Variants in ST3GAL1 observed in about 807,000 individuals in gnomAD.
ST3GAL1 encodes the protein CMP-N-acetylneuraminate-beta-galactosamide-alpha-2,3-sialyltransferase 1.
ST3GAL1 carries 16 observed loss-of-function variants against 34.1 expected under a neutral mutation model. The ratio of observed to expected loss-of-function variants is 0.47; its 90% CI spans 0.32 to 0.71. The LOEUF is 0.71. ST3GAL1 is among the 30% of genes least tolerant of loss of function. The pLI, the probability that ST3GAL1 is intolerant of heterozygous loss-of-function variation, is 0.04. For synonymous variants in ST3GAL1, 191 were observed against 184.7 expected (o/e 1.03, Z -0.28); for missense variants, 353 against 447.4 (o/e 0.79, Z 1.90).
rs1207147134 is a variant in ST3GAL1 at position 133,459,058 on chromosome 8, T to G, written c.*706A>C. The stretch of plus-strand genomic sequence containing the variant: ...GTGCCACCGTGCCTGGCTAATTTTT[T>G]TAAATCTTTTATTTTTGTAGAGACA... On this transcript the variant is annotated 3_prime_UTR_variant, in exon 10 of 10. Transcript: ENST00000522652. The surrounding 1 kb of genome is among the most constrained non-coding windows in gnomAD (Gnocchi z 4.7). The G allele has an allele frequency of 6.6e-6, 1 of 151,998 alleles. No homozygotes were observed. The highest frequency in any genetic ancestry group is 1.9e-4 in the East Asian group (1 of 5,152). 9.4% of individuals were successfully genotyped at this position (151,998 alleles called of 1,614,324 possible). A position where few individuals can be genotyped will look rare whatever the true frequency, so the allele number is the denominator to read the frequency against.
intron 5 of ST3GAL1, among the ~76,000 whole-genome samples, chr8:133,473,166 T>C (rs1343681761): frequency 6.6e-6 from 1 of 152,200 alleles, no homozygotes; most frequent in Non-Finnish European, 1.5e-5. Context: ...GTTTTTCCCT[T>C]ACGCCTTTTT....
chr8:133,569,318 A>G (rs984129458), intron 1 of ST3GAL1, among the ~76,000 whole-genome samples: 12 of 152,378 alleles, frequency 7.9e-5, no homozygotes, highest in African/African-American at 2.6e-4. Flanking sequence ...TTTAGCAAAA[A>G]GTGTACGATG....
intron 1 of ST3GAL1, among the ~76,000 whole-genome samples, chr8:133,565,574 T>A (rs530741515): frequency 1.3e-5 from 2 of 152,322 alleles, no homozygotes; most frequent in African/African-American, 4.8e-5. Context: ...AGACCCTCCA[T>A]TCAATGCTTC....
chr8:133,498,106 T>C (rs1052161041), intron 3 of ST3GAL1, among the ~76,000 whole-genome samples: 1 of 152,248 alleles, frequency 6.6e-6, no homozygotes, highest in Non-Finnish European at 1.5e-5. Context: ...CCACTTGTTC[T>C]GTGGCATTCC....
intron 2 of ST3GAL1, among the ~76,000 whole-genome samples, chr8:133,543,601 G>A (rs1440968633): frequency 1.3e-5 from 2 of 151,676 alleles, no homozygotes; most frequent in African/African-American, 4.8e-5. Flanking sequence ...TAAAATAATT[G>A]AAAAAAATTA....
At chr8:133,541,098 T>TATATATATATATATATATATAC (rs1818506624) in intron 2 of ST3GAL1, among the ~76,000 whole-genome samples, 1 of 38,602 alleles carries the variant, frequency 2.6e-5, no homozygotes, top group East Asian at 7.3e-4. Flanking sequence ...TATATAAACA[T>TATATATATATATATATATATAC]ATATATATAT....
intron 2 of ST3GAL1, among the ~76,000 whole-genome samples, chr8:133,530,679 G>C (rs1818126610): frequency 6.6e-6 from 1 of 152,142 alleles, no homozygotes; most frequent in African/African-American, 2.4e-5. Flanking sequence ...GTTTTCAAAG[G>C]CTAAGGGAAT....
At chr8:133,565,627 C>T (rs1399125275) in intron 1 of ST3GAL1, among the ~76,000 whole-genome samples, 1 of 152,214 alleles carries the variant, frequency 6.6e-6, no homozygotes, top group Non-Finnish European at 1.5e-5. Context: ...ATACTTGGCA[C>T]TACTGGGTGT....
chr8:133,472,111 T>C (rs1480472682), intron 5 of ST3GAL1, among the ~76,000 whole-genome samples: 1 of 151,964 alleles, frequency 6.6e-6, no homozygotes, highest in African/African-American at 2.4e-5. Flanking sequence ...CAGCCTGGGA[T>C]GGTGGTGCAG....
In ST3GAL1 at chr8:133,469,584, T is replaced by G. The variant is rs990833154; in HGVS notation, c.307-3494A>C. Among the ~76,000 whole-genome samples, 1 of 152,198 alleles carries G rather than the reference T, an allele frequency of 6.6e-6. No homozygotes were observed. The highest frequency in any genetic ancestry group is 1.5e-5 in the Non-Finnish European group (1 of 68,036). On this transcript the variant is annotated intron_variant, in intron 5 of 9. Coordinates refer to ENST00000522652, the MANE Select transcript of ST3GAL1 (RefSeq NM_173344.3). This position sits in a 1 kb window ranked among gnomAD's most constrained non-coding sequence, Gnocchi z 4.3. The stretch of plus-strand genomic sequence containing the variant: ...CTCTACCACACGTAGAAAGCAAGAA[T>G]TACCTGGCAGAAGTAAAATGGTAGT...
chr8:133,471,339 A>T (rs767970631), intron 5 of ST3GAL1, among the ~76,000 whole-genome samples: 1 of 72,328 alleles, frequency 1.4e-5, no homozygotes, highest in Non-Finnish European at 2.5e-5. Flanking sequence ...TGGGGTGGAC[A>T]GGTGGGGTGG....
chr8:133,460,689 G>A (rs983265349), intron 9 of ST3GAL1, among the ~76,000 whole-genome samples: 13 of 152,302 alleles, frequency 8.5e-5, no homozygotes, highest in African/African-American at 2.4e-4. Context: ...GGTCCTTGTT[G>A]GAAATGGGGC....
At chr8:133,524,419 G>C (rs1235457460) in intron 2 of ST3GAL1, among the ~76,000 whole-genome samples, 1 of 152,166 alleles carries the variant, frequency 6.6e-6, no homozygotes, top group Admixed American at 6.5e-5. Flanking sequence ...AGCAGATCCT[G>C]ATGTCACAGG....
At chr8:133,560,245 A>C (rs949167044) in intron 1 of ST3GAL1, among the ~76,000 whole-genome samples, 1 of 110,652 alleles carries the variant, frequency 9.0e-6, no homozygotes, top group South Asian at 3.4e-4. Context: ...TACAATTACT[A>C]TGTGTCAGTT....
At chr8:133,541,128 G>GAGAGAGAGAGAGAGAA (rs1818514657) in intron 2 of ST3GAL1, among the ~76,000 whole-genome samples, 4 of 128,626 alleles carry the variant, frequency 3.1e-5, no homozygotes, top group Admixed American at 2.3e-4. Flanking sequence ...TATAGAGAGA[G>GAGAGAGAGAGAGAGAA]AGAGAGAGAG....
intron 3 of ST3GAL1, among the ~76,000 whole-genome samples, chr8:133,478,716 C>G (rs1816272843): frequency 6.6e-6 from 1 of 152,196 alleles, no homozygotes; most frequent in Non-Finnish European, 1.5e-5. Flanking sequence ...CTGGAGGAAG[C>G]CCTGCCCTCT....
chr8:133,467,057 T>C lies in ST3GAL1; in HGVS notation c.307-967A>G, dbSNP rs1246199146. On this transcript the variant is annotated intron_variant, in intron 5 of 9. Transcript: ENST00000522652. This position sits in a 1 kb window ranked among gnomAD's most constrained non-coding sequence, Gnocchi z 4.2. ...TTGCAGTGAGCCAAGACAGTGCCACTGCACTTCAGCCTGGGTGACAGAGCG... is the reference window on the plus strand; with the variant it reads ...TTGCAGTGAGCCAAGACAGTGCCACCGCACTTCAGCCTGGGTGACAGAGCG... Among the ~76,000 whole-genome samples the C allele has an allele frequency of 6.8e-6, 1 of 147,848 alleles. No individual in the cohort carries two copies. The highest frequency in any genetic ancestry group is 6.8e-5 in the Admixed American group (1 of 14,658).
rs186222836 is a variant in ST3GAL1 at position 133,494,005 on chromosome 8, T to C, written c.-374+5130A>G. On this transcript the variant is annotated intron_variant, in intron 3 of 9. Coordinates refer to ENST00000522652, the MANE Select transcript of ST3GAL1 (RefSeq NM_173344.3). ...CGCTGGCAGGCACATTTTGCAAGCATGTCTGAGTGTGTGTGTGTTATGCAC... is the reference window on the plus strand; with the variant it reads ...CGCTGGCAGGCACATTTTGCAAGCACGTCTGAGTGTGTGTGTGTTATGCAC... Among the ~76,000 whole-genome samples, 926 of 152,314 alleles carry C rather than the reference T, an allele frequency of 6.1e-3. 3 individuals carry two copies. The highest frequency in any genetic ancestry group is 0.01 in the Non-Finnish European group (686 of 68,020).
chr8:133,568,661 T>C (rs542712202), intron 1 of ST3GAL1, among the ~76,000 whole-genome samples: 1 of 152,232 alleles, frequency 6.6e-6, no homozygotes, highest in South Asian at 2.1e-4. Flanking sequence ...TACCCAAATA[T>C]AAACCCTTTG....
Sources: allele counts gnomAD v4.1 joint callset (sites outside exome capture counted in the v4.1 genomes callset), GRCh38; gene constraint gnomAD v4.1.1; non-coding constraint Gnocchi (gnomAD v3.1); transcripts MANE v1.5; gene names NCBI Gene and HGNC (gene_info 2026-07-23, HGNC 2026-07-21).